The following LUZP2 variants were observed in gnomAD, a reference collection of about 807,000 sequenced individuals.
LUZP2 encodes leucine zipper protein 2.
Under a neutral mutation model 51.6 loss-of-function variants are expected in LUZP2, and 52 were observed. The observed-to-expected ratio is 1.01, with a 90% CI of 0.81 to 1.27. The LOEUF (loss-of-function observed/expected upper bound fraction) is 1.27. Among genes scored for constraint, LUZP2 ranks in the 50% most tolerant of loss-of-function variants. The pLI is 0.00. For synonymous variants in LUZP2, 154 were observed against 137.3 expected, an observed-to-expected ratio of 1.12 and a Z score of -0.85; for missense variants, 436 against 395.4, an observed-to-expected ratio of 1.10 and a Z score of -0.87.
chr11:24,686,553 A>G (rs941187639), intron 1 of LUZP2, among the ~76,000 whole-genome samples: 3 of 152,176 alleles, frequency 2.0e-5, no homozygotes, highest in Non-Finnish European at 2.9e-5. Flanking sequence ...GTGTAAGTAT[A>G]TCTGTTCAAA....
chr11:24,860,601 T>C (rs1451059203), intron 5 of LUZP2, among the ~76,000 whole-genome samples: 1 of 152,140 alleles, frequency 6.6e-6, no homozygotes, highest in Non-Finnish European at 1.5e-5. Context: ...ACACCCATCT[T>C]TGCTATTCTC....
intron 1 of LUZP2, among the ~76,000 whole-genome samples, 156 bp downstream of exon 1, chr11:24,497,461 C>G (rs1343967791): frequency 6.6e-6 from 1 of 152,176 alleles, no homozygotes; most frequent in Non-Finnish European, 1.5e-5. Flanking sequence ...TGAAATCCTT[C>G]TGAGAGAGCA....
chr11:24,756,730 T>C (rs1210716754), intron 4 of LUZP2, among the ~76,000 whole-genome samples: 1 of 152,158 alleles, frequency 6.6e-6, no homozygotes, highest in Non-Finnish European at 1.5e-5. Context: ...TACTAAGAAG[T>C]AGCAGACACC....
At chr11:24,939,569 G>A (rs1182210568) in intron 7 of LUZP2, among the ~76,000 whole-genome samples, 1 of 151,858 alleles carries the variant, frequency 6.6e-6, no homozygotes, top group Non-Finnish European at 1.5e-5. Context: ...GAAAAAAAGG[G>A]AGAAAAAAAT....
intron 1 of LUZP2, among the ~76,000 whole-genome samples, chr11:24,604,976 A>G (rs995993871): frequency 2.6e-5 from 4 of 151,792 alleles, no homozygotes; most frequent in African/African-American, 9.7e-5. Context: ...TTCCATCATG[A>G]TCAAGCTAGA....
chr11:25,014,262 C>A (rs192960677), intron 9 of LUZP2, among the ~76,000 whole-genome samples: 156 of 152,266 alleles, frequency 1.0e-3, no homozygotes, highest in African/African-American at 3.4e-3. Flanking sequence ...TGGGTATATA[C>A]CCAGTAATGG....
intron 1 of LUZP2, among the ~76,000 whole-genome samples, chr11:24,526,473 T>A (rs1850810960): frequency 6.8e-6 from 1 of 147,898 alleles, no homozygotes; most frequent in South Asian, 2.1e-4. Context: ...TTTTTTTTTA[T>A]AATGCAGTGT....
intron 1 of LUZP2, among the ~76,000 whole-genome samples, chr11:24,533,705 A>G (rs1042030614): frequency 2.6e-5 from 4 of 151,284 alleles, no homozygotes; most frequent in Non-Finnish European, 5.9e-5. Flanking sequence ...TTAGTAAAAC[A>G]GTAATAATTT....
intron 1 of LUZP2, among the ~76,000 whole-genome samples, chr11:24,668,279 A>G (rs192920968): frequency 6.6e-6 from 1 of 152,318 alleles, no homozygotes; most frequent in East Asian, 1.9e-4. Flanking sequence ...GCATAAAGGG[A>G]ATTTACGAGT....
chr11:24,899,728 G>T lies in LUZP2; in HGVS notation c.397-6263G>T, dbSNP rs916337266. ...GAGGCATATTATAATGTTAAAAGGGGCAATCCTTTATTCTAAAAGACATAA... is the reference window on the plus strand; with the variant it reads ...GAGGCATATTATAATGTTAAAAGGGTCAATCCTTTATTCTAAAAGACATAA... On this transcript the variant is annotated intron_variant, in intron 5 of 11. Coordinates refer to ENST00000336930, the MANE Select transcript of LUZP2 (RefSeq NM_001009909.4). Among the ~76,000 whole-genome samples the T allele has an allele frequency of 1.8e-4, 28 of 152,096 alleles. 1 individual carries two copies. Among genetic ancestry groups the T allele is most frequent in the African/African-American group, 6.7e-4 (28 of 41,516 alleles).
chr11:24,670,326 T>C (rs1461609241), intron 1 of LUZP2, among the ~76,000 whole-genome samples: 1 of 152,034 alleles, frequency 6.6e-6, no homozygotes, highest in East Asian at 1.9e-4. Context: ...ATGACTATGG[T>C]CATAATAACA....
chr11:24,980,517 G>C (rs1562271), intron 8 of LUZP2, among the ~76,000 whole-genome samples: 74,236 of 151,130 alleles, frequency 0.49, 18,597 homozygotes, highest in Non-Finnish European at 0.51. Flanking sequence ...TCTCTGGAGG[G>C]TTTGCTTAAT....
rs762804289 is a variant in LUZP2, at chr11:24,798,308, T to C, written c.396+35000T>C. ...TCATAGCTCACTACAGCCTTGATTC[T>C]TCCACCTCATTCCCAAGTAGTTGGG... On this transcript the variant is annotated intron_variant, in intron 5 of 11. Transcript: ENST00000336930. Among the ~76,000 whole-genome samples the C allele has an allele frequency of 6.2e-4, 95 of 152,178 alleles. 1 individual carries two copies. Among genetic ancestry groups the C allele is most frequent in the Non-Finnish European group, 5.0e-4 (34 of 67,978 alleles).
chr11:25,077,600 C>T (rs1859349318), intron 11 of LUZP2, among the ~76,000 whole-genome samples, 194 bp downstream of exon 11: 1 of 151,738 alleles, frequency 6.6e-6, no homozygotes. Context: ...CCAGGGCTCA[C>T]ACCATTCTCC....
chr11:24,622,242 T>G (rs1029669592), intron 1 of LUZP2, among the ~76,000 whole-genome samples: 10 of 139,762 alleles, frequency 7.2e-5, no homozygotes, highest in African/African-American at 2.5e-4. Context: ...ACTCGTCATT[T>G]ACATTAGGTA....
chr11:24,837,346 C>G (rs1343263797), intron 5 of LUZP2, among the ~76,000 whole-genome samples: 1 of 151,508 alleles, frequency 6.6e-6, no homozygotes, highest in Non-Finnish European at 1.5e-5. Flanking sequence ...GGATGTTGTC[C>G]AAAGCCTCTG....
intron 9 of LUZP2, among the ~76,000 whole-genome samples, chr11:25,033,879 C>T (rs1307478063): frequency 6.6e-6 from 1 of 152,074 alleles, no homozygotes; most frequent in Non-Finnish European, 1.5e-5. Context: ...AATGGTGCCG[C>T]AATGAACATA....
At chr11:24,918,035 T>G (rs1853857279) in intron 7 of LUZP2, among the ~76,000 whole-genome samples, 1 of 152,088 alleles carries the variant, frequency 6.6e-6, no homozygotes, top group Non-Finnish European at 1.5e-5. Context: ...TAGTTCTCCT[T>G]GAAGAGGTCC....
At chr11:24,567,337 A>G (rs186391142) in intron 1 of LUZP2, among the ~76,000 whole-genome samples, 1 of 152,124 alleles carries the variant, frequency 6.6e-6, no homozygotes, top group African/African-American at 2.4e-5. Context: ...ACAGAGGCTT[A>G]ATGAAATTTG....
Sources: gnomAD v4.1 joint callset for allele counts (sites outside exome capture counted in the v4.1 genomes callset) on GRCh38, gnomAD v4.1.1 for gene constraint, MANE v1.5 for transcripts, NCBI Gene and HGNC (gene_info 2026-07-23, HGNC 2026-07-21) for gene names.